Variants in STARD9 observed in about 807,000 individuals in gnomAD.
The protein encoded by STARD9 is StAR related lipid transfer domain containing 9.
A neutral mutation model predicts 399.8 loss-of-function variants in STARD9; 346 were observed. The ratio of observed to expected loss-of-function variants is 0.87; its 90% CI spans 0.79 to 0.95. STARD9 has a LOEUF of 0.95. Ranked by LOEUF, STARD9 falls within the 40% of genes least tolerant of loss-of-function variation. STARD9 has a pLI of 0.00. For synonymous variants in STARD9, 2,203 were observed against 2,143.5 expected (o/e 1.03, Z -0.77); for missense variants, 5,832 against 5,667.5 (o/e 1.03, Z -0.93).
In STARD9 at chr15:42,690,671, CAG is replaced by C. The variant is rs1261577576; in HGVS notation, c.9094_9095del (p.Arg3032GlyfsTer3). On this transcript the variant is annotated frameshift_variant, in exon 23 of 33. Transcript: ENST00000290607. LOFTEE classifies it high-confidence loss of function. ...THGLEPKDVN[R>X]EFRLTESSTC... Reference sequence around the variant, plus strand: ...ATGGCCTTGAGCCCAAAGATGTTAACAGGGAATTTAGGCTAACAGAGAGCAGC... The same window carrying C: ...ATGGCCTTGAGCCCAAAGATGTTAACGGAATTTAGGCTAACAGAGAGCAGC... 1.3e-6 allele frequency: 2 copies of C among 1,537,260 alleles called. No homozygotes were observed. Among genetic ancestry groups the C allele is most frequent in the African/African-American group, 2.7e-5 (2 of 73,168 alleles).
Position 42,598,414 on chromosome 15 carries a change from T to G in STARD9, c.234+12777T>G, listed in dbSNP as rs74889135. 1.4e-3 allele frequency among the ~76,000 whole-genome samples: 211 copies of G among 152,046 alleles called. 2 individuals are homozygous for G. In the East Asian group the frequency reaches 0.033, roughly 24 times the overall value. ...GTTAGGCTTCGAAAGGCTTTCTCAC[T>G]CTGAGATTATAAATGTATTCATCAT... On this transcript the variant is annotated intron_variant, in intron 3 of 32. Transcript: ENST00000290607.
Position 42,684,980 on chromosome 15 carries a change from A to G in STARD9, c.3402A>G (p.Pro1134=). 7.2e-6 allele frequency: 11 copies of G among 1,537,082 alleles called. No homozygotes were observed. Among genetic ancestry groups the G allele is most frequent in the Non-Finnish European group, 9.6e-6 (11 of 1,146,926 alleles). Residue 1134 remains proline (P), a synonymous_variant, in exon 23 of 33, where the codon CCA becomes CCG. Transcript: ENST00000290607. ...LKPEERKWDF[P]EPENSESDDS... is the part of the protein sequence containing the mutation. The stretch of plus-strand genomic sequence containing the variant: ...CAGAGGAGAGGAAATGGGATTTCCC[A>G]GAGCCAGAGAACTCTGAAAGTGATG...
intron 3 of STARD9, among the ~76,000 whole-genome samples, chr15:42,618,949 G>A (rs2059029621): frequency 6.6e-6 from 1 of 151,546 alleles, no homozygotes; most frequent in Non-Finnish European, 1.5e-5. Flanking sequence ...TCTTAATCTG[G>A]CATTATCTAT....
At chr15:42,581,676 A>C (rs2058175367) in intron 1 of STARD9, among the ~76,000 whole-genome samples, 1 of 152,066 alleles carries the variant, frequency 6.6e-6, no homozygotes, top group Admixed American at 6.6e-5. Flanking sequence ...CCTCAGCAGC[A>C]GCAGCAGCGG....
rs1244090301 is a variant in STARD9 at position 42,690,934 on chromosome 15, C to G, written c.9356C>G (p.Ser3119Cys). 4.6e-6 allele frequency: 7 copies of G among 1,537,186 alleles called. No homozygotes were observed. Among genetic ancestry groups the G allele is most frequent in the South Asian group, 2.4e-5 (2 of 84,066 alleles). Reference sequence around the variant, plus strand: ...CCCCTGAGGCAGTTTAGGGACAGCTCTGTAGGTGACCAGAATGCACAGGTG... The same window carrying G: ...CCCCTGAGGCAGTTTAGGGACAGCTGTGTAGGTGACCAGAATGCACAGGTG... ...SEPLRQFRDS[S>C]VGDQNAQVCQ... Residue 3119 changes from serine to cysteine, a missense_variant, in exon 23 of 33, where the codon TCT (serine) becomes TGT (cysteine). By Grantham distance (112) the Ser-to-Cys change is moderately radical. Transcript: ENST00000290607.
At chr15:42,586,527 C>T (rs995962996) in intron 3 of STARD9, among the ~76,000 whole-genome samples, 2 of 152,284 alleles carry the variant, frequency 1.3e-5, no homozygotes, top group Middle Eastern at 3.4e-3. Flanking sequence ...GTACTCAGAC[C>T]CCATCATGGC....
intron 4 of STARD9, among the ~76,000 whole-genome samples, chr15:42,636,316 C>G (rs1235316319): frequency 1.3e-5 from 2 of 152,122 alleles, no homozygotes; most frequent in East Asian, 3.9e-4. Flanking sequence ...GGTGGGGTGG[C>G]TCATTCCTGT....
rs1293576897 is a variant in STARD9 at position 42,583,343 on chromosome 15, T to C, written c.48-3T>C. The C allele has an allele frequency of 6.7e-5, 103 of 1,536,142 alleles. No homozygotes were observed. The highest frequency in any genetic ancestry group is 8.8e-5 in the Non-Finnish European group (101 of 1,145,944). On this transcript the variant is annotated splice_region_variant and splice_polypyrimidine_tract_variant and intron_variant, in intron 1 of 32. Coordinates refer to ENST00000290607, the MANE Select transcript of STARD9 (RefSeq NM_020759.3). ...TTCTTCTGAGCTTGGGTCTTGTTTC[T>C]AGGGAGACCAAAGAAGGGGGAAGAA...
At chr15:42,607,499 A>G (rs1234445569) in intron 3 of STARD9, among the ~76,000 whole-genome samples, 2 of 150,796 alleles carry the variant, frequency 1.3e-5, no homozygotes, top group East Asian at 3.9e-4. Flanking sequence ...CACTGTGCCC[A>G]CCCTCCTGAT....
rs2060268757 is a variant in STARD9 at position 42,674,493 on chromosome 15, T to C, written c.1549+2T>C. 6.5e-7 allele frequency: 1 copy of C among 1,536,878 alleles called. No individual in the cohort carries two copies. Among genetic ancestry groups the C allele is most frequent in the Admixed American group, 2.0e-5 (1 of 50,976 alleles). On this transcript the variant is annotated splice_donor_variant, in intron 17 of 32. Transcript: ENST00000290607. LOFTEE classifies it high-confidence loss of function. The stretch of plus-strand genomic sequence containing the variant: ...ACTCAGACCAGGAACAGGACATTGG[T>C]AAGTGGCAGAGTATATGAGTCCAGC...
chr15:42,681,518 A>G lies in STARD9; in HGVS notation c.1971A>G (p.Val657=), dbSNP rs2060427673. The change falls in exon 21 of 33, where the codon GTA becomes GTG. Residue 657 remains valine, a synonymous_variant. Coordinates refer to ENST00000290607, the MANE Select transcript of STARD9 (RefSeq NM_020759.3). ...RAQIQQQQSY[V]EDLRHQILAE... ...AGATTCAGCAGCAGCAGAGCTACGT[A>G]GAGGATTTGAGGCATCAAATCCTAG... The G allele has an allele frequency of 1.3e-6, 2 of 1,537,226 alleles. No homozygotes were observed. The highest frequency in any genetic ancestry group is 1.2e-5 in the South Asian group (1 of 84,058).
chr15:42,626,944 C>T (rs1476406811), intron 3 of STARD9, among the ~76,000 whole-genome samples: 3 of 151,778 alleles, frequency 2.0e-5, no homozygotes, highest in Non-Finnish European at 2.9e-5. Context: ...TCTACCTCCG[C>T]GGCTAAAGCG....
rs746115500 is a variant in STARD9 at position 42,691,693 on chromosome 15, T to C, written c.10115T>C (p.Val3372Ala). ...AGGGGCTATTCCTCAGGAAAGTCAG[T>C]GGCAAGAACATCTCTGCAGGCTGAG... ...HLRGYSSGKSVARTSLQAEDS... is the reference protein window; with the variant it reads ...HLRGYSSGKSAARTSLQAEDS... Residue 3372 changes from valine (V) to alanine (A), a missense_variant, in exon 23 of 33, where the codon GTG becomes GCG. Physicochemically the swap from Val to Ala is moderately conservative, Grantham distance 64. Coordinates refer to ENST00000290607, the MANE Select transcript of STARD9 (RefSeq NM_020759.3). The C allele has an allele frequency of 3.3e-6, 5 of 1,537,150 alleles. No individual in the cohort carries two copies. The South Asian group carries it at 4.8e-5, about 15-fold the overall frequency.
At chr15:42,683,733 CATT>C (rs974711240) in intron 22 of STARD9, among the ~76,000 whole-genome samples, 5 of 152,078 alleles carry the variant, frequency 3.3e-5, no homozygotes, top group African/African-American at 9.7e-5. Context: ...TATTTGTAAT[CATT>C]ATTTTTATTT....
rs1382992162 is a variant in STARD9, at chr15:42,660,586, A to AC, written c.703-572_703-571insC. Among the ~76,000 whole-genome samples the AC allele has an allele frequency of 6.7e-5, 10 of 148,474 alleles. No individual in the cohort carries two copies. The East Asian group carries it at 2.0e-3, about 29-fold the overall frequency. On this transcript the variant is annotated intron_variant, in intron 9 of 32. Coordinates refer to ENST00000290607, the MANE Select transcript of STARD9 (RefSeq NM_020759.3). ...GGCTCAAAAAAAAAACAGACAAACAAAAAAAAAAAAACAAGAAACAAAAAT... is the reference window on the plus strand; with the variant it reads ...GGCTCAAAAAAAAAACAGACAAACAACAAAAAAAAAAACAAGAAACAAAAAT...
intron 2 of STARD9, among the ~76,000 whole-genome samples, chr15:42,584,006 A>T (rs1403778567): frequency 1.3e-5 from 2 of 151,950 alleles, no homozygotes; most frequent in Non-Finnish European, 2.9e-5. Context: ...CGTACCCCTC[A>T]GTCTCCCTTA....
rs2140283340 is a variant in STARD9 at position 42,691,664 on chromosome 15, T to C, written c.10086T>C (p.His3362=). ...TQGPNRLWNP[H]LRGYSSGKSV... is the part of the protein sequence containing the mutation. ...GGCCTAACAGATTGTGGAACCCACA[T>C]CTCAGGGGCTATTCCTCAGGAAAGT... is the stretch of plus-strand genomic sequence containing the variant. The change falls in exon 23 of 33, where the codon CAT becomes CAC. Residue 3362 remains histidine, a synonymous_variant. Coordinates refer to ENST00000290607, the MANE Select transcript of STARD9 (RefSeq NM_020759.3). The C allele has an allele frequency of 6.5e-7, 1 of 1,537,170 alleles. No individual in the cohort carries two copies. Among genetic ancestry groups the C allele is most frequent in the Non-Finnish European group, 8.7e-7 (1 of 1,146,886 alleles).
At chr15:42,673,097 CAA>C (rs372408591) in intron 16 of STARD9, 19 of 102,904 alleles carry the variant, frequency 1.8e-4, no homozygotes, top group Admixed American at 3.2e-4. Flanking sequence ...GACTCCATCT[CAA>C]AAAAAAAAAA....
Position 42,681,421 on chromosome 15 carries a change from G to A in STARD9, c.1875-1G>A. 3 of 1,535,166 alleles carry A rather than the reference G, an allele frequency of 2.0e-6. No individual in the cohort carries two copies. The highest frequency in any genetic ancestry group is 2.4e-5 in the East Asian group (1 of 40,894). ...GGTAACCTCAGCCGCTTCTGTGACA[G>A]GAGAGCGCTTGAAGAGCAATGTGAC... On this transcript the variant is annotated splice_acceptor_variant, in intron 20 of 32. Coordinates refer to ENST00000290607, the MANE Select transcript of STARD9 (RefSeq NM_020759.3). LOFTEE classifies it high-confidence loss of function.
Sources: gnomAD v4.1 joint callset for allele counts (sites outside exome capture counted in the v4.1 genomes callset) on GRCh38, gnomAD v4.1.1 for gene constraint, MANE v1.5 for transcripts, NCBI Gene and HGNC (gene_info 2026-07-23, HGNC 2026-07-21) for gene names.